The following ESYT3 variants were observed in gnomAD, a reference collection of about 807,000 sequenced individuals.
The protein encoded by ESYT3 is extended synaptotagmin 3, also known as extended synaptotagmin-3.
In ESYT3, 101 loss-of-function variants were observed where a neutral mutation model predicts 111.5. The ratio of observed to expected loss-of-function variants is 0.91; its 90% confidence interval spans 0.77 to 1.07. The LOEUF (loss-of-function observed/expected upper bound fraction) is 1.07. ESYT3 is among the 50% of genes least tolerant of loss of function. ESYT3 has a pLI of 0.00. For synonymous variants in ESYT3, 416 were observed against 446.8 expected, an observed-to-expected ratio of 0.93 and a Z score of 0.87; for missense variants, 1,097 against 1,109.4, an observed-to-expected ratio of 0.99 and a Z score of 0.16.
Position 138,468,691 on chromosome 3 carries a change from T to G in ESYT3, c.1345T>G (p.Phe449Val). ...GGLSTAILVV[F>V]LESACNLPRN... The stretch of plus-strand genomic sequence containing the variant: ...CCTTTCCACTGCCATTCTCGTGGTC[T>G]TCTTGGAGAGTGCCTGCAACTTGCC... The change falls in exon 13 of 23, where the codon TTC becomes GTC. Residue 449 changes from phenylalanine to valine, a missense_variant. Physicochemically the swap from Phe to Val is conservative, Grantham distance 50 (BLOSUM62 -1). Coordinates refer to ENST00000389567, the MANE Select transcript of ESYT3 (RefSeq NM_031913.5). 1 of 1,614,164 alleles carries G rather than the reference T, an allele frequency of 6.2e-7. No homozygotes were observed. Among genetic ancestry groups the G allele is most frequent in the South Asian group, 1.1e-5 (1 of 91,068 alleles).
At chr3:138,442,458 A>G (rs1027027528) in intron 1 of ESYT3, among the ~76,000 whole-genome samples, 7 of 152,150 alleles carry the variant, frequency 4.6e-5, no homozygotes, top group Non-Finnish European at 8.8e-5. Context: ...TCACACGGCT[A>G]GCGGAGGTGG....
At chr3:138,468,550 T>A in intron 12 of ESYT3, 105 bp from the exon 13 acceptor site, 2 of 1,127,410 alleles carry the variant, frequency 1.8e-6, no homozygotes, top group Non-Finnish European at 2.7e-6. Context: ...TAGTCTGGAG[T>A]GTGAAGGCTA....
In ESYT3 at chr3:138,440,610, G is replaced by A. The variant is rs115082681; in HGVS notation, c.327+5485G>A. On this transcript the variant is annotated intron_variant, in intron 1 of 22. Coordinates refer to ENST00000389567, the MANE Select transcript of ESYT3 (RefSeq NM_031913.5). This position sits in a 1 kb window ranked among gnomAD's most constrained non-coding sequence, Gnocchi z 4.2. ...ACTTCTTACCCTTGAGGTCCCTGCA[G>A]CCCTGTGAAGTTATTCAAATGGCTT... Among the ~76,000 whole-genome samples the A allele has an allele frequency of 3.1e-3, 474 of 152,302 alleles. 1 individual carries two copies. Among genetic ancestry groups the A allele is most frequent in the Middle Eastern group, 0.031 (9 of 294 alleles).
chr3:138,466,297 G>C (rs1163559272), intron 10 of ESYT3, among the ~76,000 whole-genome samples: 1 of 152,192 alleles, frequency 6.6e-6, no homozygotes, highest in South Asian at 2.1e-4. Context: ...GTGTTGTTTA[G>C]CTTGTTTCCA....
chr3:138,473,705 C>G, intron 19 of ESYT3, 71 bp downstream of exon 19: 2 of 1,328,032 alleles, frequency 1.5e-6, no homozygotes, highest in Middle Eastern at 1.9e-4. Context: ...TAGGGACACT[C>G]AGAGCAATGA....
chr3:138,472,391 G>C lies in ESYT3; in HGVS notation c.1769G>C (p.Gly590Ala). Residue 590 changes from glycine (G) to alanine (A), a missense_variant, in exon 18 of 23, where the codon GGG becomes GCG. Physicochemically the swap from Gly to Ala is moderately conservative, Grantham distance 60. Transcript: ENST00000389567. ...RFLQVEEREL[G>A]SPYTGPEALK... ...CTGCAAGTGGAGGAACGAGAGCTGG[G>C]GAGCCCATACACAGGACCTGAAGCC... is the stretch of plus-strand genomic sequence containing the variant. 1 of 1,614,006 alleles carries C rather than the reference G, an allele frequency of 6.2e-7. No homozygotes were observed. The highest frequency in any genetic ancestry group is 8.5e-7 in the Non-Finnish European group (1 of 1,179,976).
intron 1 of ESYT3, among the ~76,000 whole-genome samples, chr3:138,448,340 C>T (rs2031697612): frequency 6.9e-6 from 1 of 144,258 alleles, no homozygotes; most frequent in African/African-American, 2.6e-5. Context: ...GGCAAAAACA[C>T]AGTGATTAAA....
chr3:138,447,251 C>T (rs1052590821), intron 1 of ESYT3, among the ~76,000 whole-genome samples: 1 of 152,108 alleles, frequency 6.6e-6, no homozygotes, highest in African/African-American at 2.4e-5. Context: ...ATGGAATAGT[C>T]ATGGAAATTA....
chr3:138,443,396 GA>G (rs903387694), intron 1 of ESYT3, among the ~76,000 whole-genome samples: 1 of 152,226 alleles, frequency 6.6e-6, no homozygotes, highest in Non-Finnish European at 1.5e-5. Context: ...CGCATCAGGA[GA>G]AAAGTGACAT....
intron 16 of ESYT3, chr3:138,470,572 T>C (rs2033166892): frequency 8.5e-7 from 1 of 1,171,112 alleles, no homozygotes; most frequent in East Asian, 4.3e-5. Context: ...TGGGATCTTT[T>C]AGGGCCCTGA....
rs554593882 is a variant in ESYT3 at position 138,440,985 on chromosome 3, G to A, written c.327+5860G>A. ...TGCAAGGGCAGCCTCTTCTGATAGA[G>A]CATGATCAGTTCTCTGAGGTGGCTC... On this transcript the variant is annotated intron_variant, in intron 1 of 22. Coordinates refer to ENST00000389567, the MANE Select transcript of ESYT3 (RefSeq NM_031913.5). This position sits in a 1 kb window ranked among gnomAD's most constrained non-coding sequence, Gnocchi z 4.2. 3.1e-4 allele frequency among the ~76,000 whole-genome samples: 47 copies of A among 152,326 alleles called. No homozygotes were observed. The South Asian group carries it at 3.7e-3, about 12-fold the overall frequency.
chr3:138,459,043 G>A, intron 4 of ESYT3, 144 bp from the exon 5 acceptor site: 1 of 551,358 alleles, frequency 1.8e-6, no homozygotes, highest in Non-Finnish European at 3.2e-6. Flanking sequence ...GAGGCTACTA[G>A]GCCATGTGCC....
At position 138,434,662 on chromosome 3, in the gene ESYT3, G is replaced by A; in HGVS notation, c.-137G>A. On this transcript the variant is annotated 5_prime_UTR_variant, in exon 1 of 23. Coordinates refer to ENST00000389567, the MANE Select transcript of ESYT3 (RefSeq NM_031913.5). Reference sequence around the variant, plus strand: ...CGTCGCAGAGAACCCTGAGCTCGGCGCGCCGAGAGTCCCAGCAGGGCAAGG... The same window carrying A: ...CGTCGCAGAGAACCCTGAGCTCGGCACGCCGAGAGTCCCAGCAGGGCAAGG... 1 of 775,664 alleles carries A rather than the reference G, an allele frequency of 1.3e-6. No homozygotes were observed. Among genetic ancestry groups the A allele is most frequent in the East Asian group, 3.0e-5 (1 of 33,802 alleles). The allele number at this position is 775,664 out of a possible 1,614,324, so 48.0% of individuals were successfully genotyped here. A position where few individuals can be genotyped will look rare whatever the true frequency, so the allele number is the denominator to read the frequency against.
Position 138,472,758 on chromosome 3 carries a change from C to T in ESYT3, c.2136C>T (p.Ser712=). ...KSPRPMKCPA[S]PFAWPPKRLA... ...CCAGACCCATGAAATGCCCTGCCTCCCCATTCGCATGGCCGCCCAAGAGGC... is the reference window on the plus strand; with the variant it reads ...CCAGACCCATGAAATGCCCTGCCTCTCCATTCGCATGGCCGCCCAAGAGGC... Residue 712 remains serine, a synonymous_variant, in exon 18 of 23, where the codon TCC becomes TCT. Coordinates refer to ENST00000389567, the MANE Select transcript of ESYT3 (RefSeq NM_031913.5). 1.9e-6 allele frequency: 3 copies of T among 1,614,250 alleles called. No individual in the cohort carries two copies. Among genetic ancestry groups the T allele is most frequent in the Non-Finnish European group, 2.5e-6 (3 of 1,180,040 alleles).
chr3:138,439,286 G>A lies in ESYT3; in HGVS notation c.327+4161G>A, dbSNP rs115718372. On this transcript the variant is annotated intron_variant, in intron 1 of 22. Transcript: ENST00000389567. ...GCCCAAGTGTCCCAGTGGTAAGCTC[G>A]TCTTTCCAGCATCTGGATGACTGTC... Among the ~76,000 whole-genome samples, 736 of 152,240 alleles carry A rather than the reference G, an allele frequency of 4.8e-3. 6 individuals are homozygous for A. Among genetic ancestry groups the A allele is most frequent in the African/African-American group, 0.017 (714 of 41,538 alleles).
Position 138,459,261 on chromosome 3 carries a change from G to A in ESYT3, c.648+8G>A, listed in dbSNP as rs189455154. On this transcript the variant is annotated splice_region_variant and intron_variant, in intron 5 of 22. Coordinates refer to ENST00000389567, the MANE Select transcript of ESYT3 (RefSeq NM_031913.5). ...GGTGTGAACGGGATCCAGGTGGGTGGAGCCCGGTGGGGCTGCCTCTGTTCC... is the reference window on the plus strand; with the variant it reads ...GGTGTGAACGGGATCCAGGTGGGTGAAGCCCGGTGGGGCTGCCTCTGTTCC... The A allele has an allele frequency of 3.1e-3, 4,754 of 1,547,696 alleles. 26 individuals are homozygous for A. Among genetic ancestry groups the A allele is most frequent in the South Asian group, 6.6e-3 (539 of 81,128 alleles).
intron 11 of ESYT3, 70 bp from the exon 12 acceptor site, chr3:138,468,035 G>T: frequency 6.9e-7 from 1 of 1,441,264 alleles, no homozygotes. Context: ...TCTCAGGACT[G>T]GGCTGCCCAG....
rs748008995 is a variant in ESYT3, at chr3:138,455,333, G to T, written c.504+5G>T. On this transcript the variant is annotated splice_donor_5th_base_variant and intron_variant, in intron 3 of 22. Coordinates refer to ENST00000389567, the MANE Select transcript of ESYT3 (RefSeq NM_031913.5). ...AAGCTCTACTTTGGACAGAAGGTGG[G>T]TGTGTCTCGGGAGGGTCAGCCTGGA... is the stretch of plus-strand genomic sequence containing the variant. 9 of 1,613,942 alleles carry T rather than the reference G, an allele frequency of 5.6e-6. No homozygotes were observed. In the South Asian group the frequency reaches 6.6e-5, roughly 12 times the overall value.
rs932011831 is a variant in ESYT3 at position 138,476,953 on chromosome 3, C to T, written c.*99C>T. On this transcript the variant is annotated 3_prime_UTR_variant, in exon 23 of 23. Coordinates refer to ENST00000389567, the MANE Select transcript of ESYT3 (RefSeq NM_031913.5). ...TACATCCAATATATGTATATTTTGT[C>T]ATTTAAATCAGAACAACCACTTGAA... 2 of 898,122 alleles carry T rather than the reference C, an allele frequency of 2.2e-6. No individual in the cohort carries two copies. The highest frequency in any genetic ancestry group is 3.3e-6 in the Non-Finnish European group (2 of 604,766). 55.6% of individuals were successfully genotyped at this position (898,122 alleles called of 1,614,324 possible).
Sources: allele counts gnomAD v4.1 joint callset (sites outside exome capture counted in the v4.1 genomes callset), GRCh38; gene constraint gnomAD v4.1.1; non-coding constraint Gnocchi (gnomAD v3.1); transcripts MANE v1.5; gene names NCBI Gene and HGNC (gene_info 2026-07-23, HGNC 2026-07-21).